Variants in LRRC37A2 observed in about 807,000 individuals in gnomAD.
LRRC37A2 encodes leucine-rich repeat-containing protein 37A2.
In LRRC37A2, 9 loss-of-function variants were observed where a neutral mutation model predicts 68.8. The observed-to-expected ratio is 0.13, with a 90% CI of 0.08 to 0.23. The LOEUF is 0.23. Among genes scored for constraint, LRRC37A2 ranks in the 10% least tolerant of loss-of-function variants. LRRC37A2 has a pLI of 1.00. For synonymous variants in LRRC37A2, 63 were observed against 367.6 expected (o/e 0.17, Z 9.48); for missense variants, 168 against 950.4 (o/e 0.18, Z 10.82).
At chr17:46,992,233 T>G in the LRRC37A2 span, among the ~76,000 whole-genome samples, 1 of 61,490 alleles carries the variant, frequency 1.6e-5, no homozygotes, top group Non-Finnish European at 4.4e-5. Context: ...CCAGGTGTAG[T>G]GGTACACACC....
the LRRC37A2 span, among the ~76,000 whole-genome samples, chr17:46,811,935 C>T: frequency 6.6e-5 from 10 of 152,138 alleles, no homozygotes; most frequent in Admixed American, 6.5e-4. Context: ...CCAGCCTGGG[C>T]GACAGAGCAA....
At chr17:46,906,243 C>G in the LRRC37A2 span, among the ~76,000 whole-genome samples, 1 of 152,092 alleles carries the variant, frequency 6.6e-6, no homozygotes, top group Non-Finnish European at 1.5e-5. Flanking sequence ...AGGCCTTCAC[C>G]CAGCCTCTTC....
chr17:46,971,821 CAT>C, the LRRC37A2 span, among the ~76,000 whole-genome samples: 515 of 152,358 alleles, frequency 3.4e-3, 2 homozygotes, highest in African/African-American at 0.012. Flanking sequence ...ACCCATCTAA[CAT>C]GTGTTTGTTC....
chr17:46,843,604 T>C, the LRRC37A2 span, among the ~76,000 whole-genome samples: 1 of 152,206 alleles, frequency 6.6e-6, no homozygotes, highest in Non-Finnish European at 1.5e-5. Flanking sequence ...TAAATATGTG[T>C]CTTTGGTGCC....
chr17:46,757,554 C>T, the LRRC37A2 span: 6 of 152,474 alleles, frequency 3.9e-5, no homozygotes, highest in Non-Finnish European at 5.9e-5. Flanking sequence ...GAAACCTCTC[C>T]GTGTTTTGTT....
the LRRC37A2 span, among the ~76,000 whole-genome samples, chr17:46,797,547 A>G: frequency 3.3e-5 from 5 of 152,246 alleles, no homozygotes; most frequent in African/African-American, 1.2e-4. Flanking sequence ...CTCAAAGATG[A>G]CAGCACAGAT....
chr17:47,014,672 C>T, the LRRC37A2 span, among the ~76,000 whole-genome samples: 1 of 151,826 alleles, frequency 6.6e-6, no homozygotes, highest in African/African-American at 2.4e-5. Context: ...TCTCCCCCCG[C>T]TCCAGGAGTA....
the LRRC37A2 span, chr17:46,773,994 G>T: frequency 7.8e-6 from 12 of 1,538,160 alleles, no homozygotes; most frequent in Non-Finnish European, 1.0e-5. Context: ...TGAACCCTCC[G>T]GGGTAGGTGG....
At chr17:46,975,891 TAAAG>T in the LRRC37A2 span, among the ~76,000 whole-genome samples, 27 of 78,860 alleles carry the variant, frequency 3.4e-4, no homozygotes, top group South Asian at 1.7e-3. Context: ...AGAAGAAAGA[TAAAG>T]GAAGGAAGGA....
chr17:46,502,711 C>T, the LRRC37A2 span, among the ~76,000 whole-genome samples: 25 of 151,244 alleles, frequency 1.7e-4, 2 homozygotes, highest in African/African-American at 4.9e-4. Flanking sequence ...GCCTAAGGCA[C>T]CTGTGAGGGT....
the LRRC37A2 span, among the ~76,000 whole-genome samples, chr17:46,916,594 C>T: frequency 2.0e-5 from 3 of 152,226 alleles, no homozygotes; most frequent in Non-Finnish European, 4.4e-5. Context: ...TAAAGAAGCA[C>T]AGGAACAAAC....
At chr17:46,829,758 G>A in the LRRC37A2 span, among the ~76,000 whole-genome samples, 1 of 151,782 alleles carries the variant, frequency 6.6e-6, no homozygotes, top group Non-Finnish European at 1.5e-5. Flanking sequence ...CCTCAGGTTG[G>A]GATGGGAGTA....
the LRRC37A2 span, chr17:46,728,998 G>T: frequency 2.0e-6 from 2 of 996,422 alleles, no homozygotes; most frequent in East Asian, 2.5e-5. Context: ...CGCATATAAT[G>T]ATACAATCTT....
At chr17:46,758,454 A>G in the LRRC37A2 span, among the ~76,000 whole-genome samples, 1 of 152,258 alleles carries the variant, frequency 6.6e-6, no homozygotes, top group Non-Finnish European at 1.5e-5. Flanking sequence ...ACGGCCTGTG[A>G]AGAAGCAAAG....
the LRRC37A2 span, among the ~76,000 whole-genome samples, chr17:46,394,473 G>A: frequency 2.7e-5 from 1 of 36,804 alleles, no homozygotes; most frequent in African/African-American, 9.1e-5. Flanking sequence ...AATGGGCAAA[G>A]CATTTGAATA....
chr17:46,789,631 G>A, the LRRC37A2 span, among the ~76,000 whole-genome samples: 37 of 152,324 alleles, frequency 2.4e-4, no homozygotes, highest in Admixed American at 1.8e-3. Context: ...CAAACCAAAT[G>A]ACACCATGGG....
At chr17:46,753,379 A>G in the LRRC37A2 span, among the ~76,000 whole-genome samples, 7 of 152,194 alleles carry the variant, frequency 4.6e-5, no homozygotes, top group Non-Finnish European at 7.3e-5. Flanking sequence ...TGAAAATAAA[A>G]TTTTTTTGAC....
chr17:46,753,584 T>G, the LRRC37A2 span, among the ~76,000 whole-genome samples: 1 of 152,142 alleles, frequency 6.6e-6, no homozygotes, highest in Non-Finnish European at 1.5e-5. Flanking sequence ...ATTGTCAGCT[T>G]CTTTTTTTTT....
chr17:46,844,972 T>C, the LRRC37A2 span, among the ~76,000 whole-genome samples: 1 of 152,136 alleles, frequency 6.6e-6, no homozygotes, highest in African/African-American at 2.4e-5. Flanking sequence ...CTCAGCCTTC[T>C]AAGTAGCTGG....
Sources: gnomAD v4.1 joint callset for allele counts (sites outside exome capture counted in the v4.1 genomes callset) on GRCh38, gnomAD v4.1.1 for gene constraint, MANE v1.5 for transcripts, NCBI Gene and HGNC (gene_info 2026-07-23, HGNC 2026-07-21) for gene names.